Variants in RSF1 observed in about 807,000 individuals in gnomAD.
RSF1 encodes HBV pX-associated protein 8.
RSF1 carries 13 observed loss-of-function variants against 145.2 expected under a neutral mutation model. The ratio of observed to expected loss-of-function variants is 0.09; its 90% CI spans 0.06 to 0.14. The LOEUF is 0.14. Ranked by LOEUF, RSF1 falls within the 10% of genes least tolerant of loss-of-function variation. RSF1 has a pLI of 1.00. For synonymous variants in RSF1, 577 were observed against 592.6 expected (o/e 0.97, Z 0.38); for missense variants, 1,517 against 1,718.2 (o/e 0.88, Z 2.07).
At chr11:77,853,005 A>G in the RSF1 span, among the ~76,000 whole-genome samples, 1 of 152,170 alleles carries the variant, frequency 6.6e-6, no homozygotes, top group Non-Finnish European at 1.5e-5. Context: ...TTGAATAACC[A>G]TGTACATTTT....
the RSF1 span, chr11:77,866,373 A>G: frequency 6.6e-6 from 1 of 152,378 alleles, no homozygotes; most frequent in African/African-American, 2.4e-5. Flanking sequence ...GAAGAGCCTT[A>G]GTGATTTGCC....
chr11:77,812,019 CA>C (rs1173415809), intron 1 of RSF1, among the ~76,000 whole-genome samples: 1 of 152,006 alleles, frequency 6.6e-6, no homozygotes, highest in Non-Finnish European at 1.5e-5. Flanking sequence ...ACTAAAAATA[CA>C]AAAAATTTTT....
intron 14 of RSF1, among the ~76,000 whole-genome samples, chr11:77,674,220 C>T (rs991243264): frequency 6.6e-6 from 1 of 152,066 alleles, no homozygotes; most frequent in Admixed American, 6.6e-5. Flanking sequence ...AAAAAAAACC[C>T]ACAAGGATGG....
chr11:77,678,927 G>A (rs1195406808), intron 11 of RSF1, among the ~76,000 whole-genome samples: 2 of 152,180 alleles, frequency 1.3e-5, no homozygotes, highest in Non-Finnish European at 2.9e-5. Context: ...ATAAATTTCT[G>A]TTGATTATAG....
intron 4 of RSF1, chr11:77,734,761 G>A (rs1034758476): frequency 1.1e-5 from 18 of 1,576,712 alleles, no homozygotes; most frequent in African/African-American, 5.4e-5. Flanking sequence ...ATCACAGTCT[G>A]GTTTTTTGAT....
At chr11:77,832,430 G>A in the RSF1 span, among the ~76,000 whole-genome samples, 9 of 151,764 alleles carry the variant, frequency 5.9e-5, no homozygotes, top group South Asian at 1.2e-3. Flanking sequence ...GGGTTCAAGC[G>A]ATTCTTCTGC....
At chr11:77,692,985 A>AT (rs1203919666) in intron 8 of RSF1, among the ~76,000 whole-genome samples, 1 of 152,146 alleles carries the variant, frequency 6.6e-6, no homozygotes, top group Non-Finnish European at 1.5e-5. Flanking sequence ...CTAATCTATC[A>AT]TTTTTAAGGC....
chr11:77,867,459 C>T, the RSF1 span, among the ~76,000 whole-genome samples: 13 of 152,194 alleles, frequency 8.5e-5, no homozygotes, highest in Non-Finnish European at 5.9e-5. Flanking sequence ...TGCACATTTT[C>T]ACTAACCTTA....
At chr11:77,842,545 A>C in the RSF1 span, 1 of 1,614,074 alleles carries the variant, frequency 6.2e-7, no homozygotes, top group East Asian at 2.2e-5. Context: ...AATGAAAGTA[A>C]AAGGCTCTAA....
chr11:77,683,563 A>G (rs1959923256), intron 11 of RSF1, 147 bp downstream of exon 11: 1 of 521,128 alleles, frequency 1.9e-6, no homozygotes, highest in Non-Finnish European at 3.3e-6. Context: ...AAGGAAAAAA[A>G]AAATTCTATG....
chr11:77,694,288 T>A (rs890749555), intron 7 of RSF1, among the ~76,000 whole-genome samples: 2 of 152,100 alleles, frequency 1.3e-5, no homozygotes, highest in African/African-American at 4.8e-5. Context: ...ACACAAAAAA[T>A]TTCCATTTTA....
intron 1 of RSF1, among the ~76,000 whole-genome samples, chr11:77,776,410 C>T (rs1189730317): frequency 1.3e-5 from 2 of 152,056 alleles, no homozygotes; most frequent in African/African-American, 4.8e-5. Flanking sequence ...TTACTCCTTG[C>T]TAATAAGTGA....
chr11:77,710,948 C>A (rs1454718332), intron 5 of RSF1, among the ~76,000 whole-genome samples: 1 of 152,006 alleles, frequency 6.6e-6, no homozygotes, highest in Non-Finnish European at 1.5e-5. Flanking sequence ...TATCATGCTG[C>A]AGAACTGAAA....
chr11:77,685,428 TG>T (rs1294160090), intron 9 of RSF1, among the ~76,000 whole-genome samples: 6 of 152,168 alleles, frequency 3.9e-5, no homozygotes, highest in African/African-American at 1.4e-4. Flanking sequence ...TGCAAGTAGC[TG>T]GGATTACAGG....
chr11:77,662,900 T>C lies in RSF1; in HGVS notation c.*4017A>G, dbSNP rs1959263365. On this transcript the variant is annotated 3_prime_UTR_variant, in exon 16 of 16. Transcript: ENST00000308488. The stretch of plus-strand genomic sequence containing the variant: ...AGGAGAAACTGTTGTCTAGATTTTC[T>C]GTAATTAAATGATGTTCATAATATT... 1 of 152,228 alleles carries C rather than the reference T, an allele frequency of 6.6e-6. No individual in the cohort carries two copies. Among genetic ancestry groups the C allele is most frequent in the Admixed American group, 6.5e-5 (1 of 15,278 alleles). The allele number at this position is 152,228 out of a possible 1,614,324, so 9.4% of individuals were successfully genotyped here.
Position 77,675,026 on chromosome 11 carries a change from T to C in RSF1, c.3562+10A>G. 6.3e-7 allele frequency: 1 copy of C among 1,574,924 alleles called. No homozygotes were observed. The highest frequency in any genetic ancestry group is 1.2e-5 in the South Asian group (1 of 85,518). On this transcript the variant is annotated intron_variant, in intron 14 of 15. Transcript: ENST00000308488. ...TATTGAGCTACCATATGGTTACAGA[T>C]TATTTTTACCAGAGTCTCTACTATT...
In RSF1 at chr11:77,662,765, A is replaced by G. The variant is rs955064840; in HGVS notation, c.*4152T>C. On this transcript the variant is annotated 3_prime_UTR_variant, in exon 16 of 16. Coordinates refer to ENST00000308488, the MANE Select transcript of RSF1 (RefSeq NM_016578.4). ...GGATTTTAATCTGAGAAGATTCAATAATGGATCATATTAAGCAGAAGAGGG... is the reference window on the plus strand; with the variant it reads ...GGATTTTAATCTGAGAAGATTCAATGATGGATCATATTAAGCAGAAGAGGG... 2.6e-5 allele frequency: 4 copies of G among 152,174 alleles called. No individual in the cohort carries two copies. Among genetic ancestry groups the G allele is most frequent in the African/African-American group, 9.6e-5 (4 of 41,462 alleles). The allele number at this position is 152,174 out of a possible 1,614,324, so 9.4% of individuals were successfully genotyped here. A position where few individuals can be genotyped will look rare whatever the true frequency, so the allele number is the denominator to read the frequency against.
chr11:77,715,499 G>A (rs144377910), intron 5 of RSF1, among the ~76,000 whole-genome samples: 1 of 152,142 alleles, frequency 6.6e-6, no homozygotes, highest in Non-Finnish European at 1.5e-5. Flanking sequence ...CCAGGCTGGA[G>A]TGCAGTAGCG....
chr11:77,841,368 G>GT, the RSF1 span: 12 of 581,068 alleles, frequency 2.1e-5, no homozygotes, highest in East Asian at 2.8e-4. Flanking sequence ...TTCTGTTAGA[G>GT]TTTTTTCCTT....
Sources: allele counts gnomAD v4.1 joint callset (sites outside exome capture counted in the v4.1 genomes callset), GRCh38; gene constraint gnomAD v4.1.1; transcripts MANE v1.5; gene names NCBI Gene and HGNC (gene_info 2026-07-23, HGNC 2026-07-21).